SIAH1: variants seen among roughly 807,000 people sequenced by gnomAD.
SIAH1 encodes E3 ubiquitin-protein ligase SIAH1.
A neutral mutation model predicts 20.0 loss-of-function variants in SIAH1; 2 were observed. The ratio of observed to expected loss-of-function variants is 0.10; its 90% confidence interval spans 0.04 to 0.31. The LOEUF (loss-of-function observed/expected upper bound fraction) is 0.31, where lower values mean the gene tolerates loss of function less well. Ranked by LOEUF, SIAH1 falls within the 10% of genes least tolerant of loss-of-function variation. SIAH1 has a pLI of 1.00. For missense variants in SIAH1, 119 were observed against 355.3 expected (o/e 0.33, Z 5.35); for synonymous variants, 118 against 125.3 (o/e 0.94, Z 0.39).
At chr16:48,365,263 C>T in intron 1 of SIAH1, 6 of 965,336 alleles carry the variant, frequency 6.2e-6, no homozygotes, top group Non-Finnish European at 9.2e-6. Flanking sequence ...CCAAATGAAA[C>T]ATGACTGAGA....
intron 1 of SIAH1, among the ~76,000 whole-genome samples, chr16:48,367,606 A>C (rs769409469): frequency 6.6e-6 from 1 of 152,208 alleles, no homozygotes; most frequent in Non-Finnish European, 1.5e-5. Context: ...TTCAGCTGAG[A>C]CCTGATTTAA....
intron 1 of SIAH1, among the ~76,000 whole-genome samples, chr16:48,382,445 G>A (rs541009706): frequency 1.3e-5 from 2 of 152,114 alleles, no homozygotes; most frequent in Non-Finnish European, 2.9e-5. Context: ...TAGTAGGTGA[G>A]TAAACAAATA....
In SIAH1 at chr16:48,361,232, C is replaced by T. The variant is rs761476863; in HGVS notation, c.*348G>A. On this transcript the variant is annotated 3_prime_UTR_variant, in exon 2 of 2. Coordinates refer to ENST00000394725, the MANE Select transcript of SIAH1 (RefSeq NM_003031.4). Reference sequence around the variant, plus strand: ...AAACCCAAACACGCACACACCCACGCAGGCACACACTCCCACGCAAAAACA... The same window carrying T: ...AAACCCAAACACGCACACACCCACGTAGGCACACACTCCCACGCAAAAACA... 4 of 257,346 alleles carry T rather than the reference C, an allele frequency of 1.6e-5. No homozygotes were observed. Among genetic ancestry groups the T allele is most frequent in the South Asian group, 4.3e-5 (1 of 23,404 alleles). The allele number at this position is 257,346 out of a possible 1,614,324, so 15.9% of individuals were successfully genotyped here. A position where few individuals can be genotyped will look rare whatever the true frequency, so the allele number is the denominator to read the frequency against.
intron 1 of SIAH1, among the ~76,000 whole-genome samples, chr16:48,374,157 T>A (rs1307452608): frequency 6.6e-6 from 1 of 152,250 alleles, no homozygotes; most frequent in African/African-American, 2.4e-5. Flanking sequence ...AATTCACTTA[T>A]TATTTTTTAT....
At position 48,365,735 on chromosome 16, in the gene SIAH1, A is replaced by G. The variant is rs1406392817; in HGVS notation, c.-2-3305T>C. On this transcript the variant is annotated intron_variant, in intron 1 of 1. Transcript: ENST00000394725. ...GGAGCCACAGCTGCGCTGTCCTCCA[A>G]TGTGCCCTAAGCTTTCGTCTGTCTC... 4.3e-6 allele frequency: 6 copies of G among 1,405,226 alleles called. No individual in the cohort carries two copies. In the East Asian group the frequency reaches 7.6e-5, roughly 18 times the overall value. The allele number at this position is 1,405,226 out of a possible 1,614,324, so 87.0% of individuals were successfully genotyped here. A position where few individuals can be genotyped will look rare whatever the true frequency, so the allele number is the denominator to read the frequency against.
At chr16:48,378,171 G>C (rs1300861736) in intron 1 of SIAH1, among the ~76,000 whole-genome samples, 1 of 152,092 alleles carries the variant, frequency 6.6e-6, no homozygotes, top group South Asian at 2.1e-4. Context: ...GACCAACATG[G>C]AGAAACCCCA....
rs1961431636 is a variant in SIAH1, at chr16:48,385,395, CG to C, written c.-195del. The C allele has an allele frequency of 6.4e-6, 1 of 155,336 alleles. No individual in the cohort carries two copies. The highest frequency in any genetic ancestry group is 2.4e-5 in the African/African-American group (1 of 41,174). 9.6% of individuals were successfully genotyped at this position (155,336 alleles called of 1,614,324 possible). A position where few individuals can be genotyped will look rare whatever the true frequency, so the allele number is the denominator to read the frequency against. On this transcript the variant is annotated 5_prime_UTR_variant, in exon 1 of 2. Transcript: ENST00000394725. ...GCTCCCCCCTGGCCGCCGCCGCCGC[CG>C]CCGTTTCGCGCGTCCTCGAGCCCGC... is the stretch of plus-strand genomic sequence containing the variant.
intron 1 of SIAH1, among the ~76,000 whole-genome samples, chr16:48,383,909 G>C (rs898902604): frequency 2.0e-5 from 3 of 152,216 alleles, no homozygotes; most frequent in African/African-American, 4.8e-5. Flanking sequence ...AGTCTTAACA[G>C]TAAGCATTTG....
At chr16:48,381,158 G>A (rs1231800108) in intron 1 of SIAH1, among the ~76,000 whole-genome samples, 2 of 151,824 alleles carry the variant, frequency 1.3e-5, no homozygotes, top group African/African-American at 4.8e-5. Context: ...CAGCCTGGCC[G>A]ACATGTTGAA....
chr16:48,368,406 C>T (rs565588735), intron 1 of SIAH1, among the ~76,000 whole-genome samples: 1 of 152,158 alleles, frequency 6.6e-6, no homozygotes, highest in Non-Finnish European at 1.5e-5. Flanking sequence ...ACAACAACAA[C>T]AAAAAACAGC....
intron 1 of SIAH1, chr16:48,365,369 T>A (rs1483421627): frequency 1.2e-6 from 2 of 1,613,382 alleles, no homozygotes; most frequent in East Asian, 2.2e-5. Context: ...CAGCAAACCA[T>A]CCTCTTAATG....
At chr16:48,377,915 T>C (rs1295282678) in intron 1 of SIAH1, among the ~76,000 whole-genome samples, 3 of 151,702 alleles carry the variant, frequency 2.0e-5, no homozygotes, top group Non-Finnish European at 2.9e-5. Flanking sequence ...TCGTCTCTAA[T>C]AAAAATAAAA....
intron 1 of SIAH1, among the ~76,000 whole-genome samples, chr16:48,374,278 T>G (rs908524813): frequency 6.6e-6 from 1 of 152,202 alleles, no homozygotes. Flanking sequence ...CAGACTCCAA[T>G]AAATATTTTT....
intron 1 of SIAH1, among the ~76,000 whole-genome samples, chr16:48,376,480 T>C (rs533029198): frequency 1.3e-4 from 20 of 152,210 alleles, no homozygotes; most frequent in African/African-American, 4.3e-4. Context: ...TATTTTATAC[T>C]ATAAAAAAAA....
intron 1 of SIAH1, among the ~76,000 whole-genome samples, chr16:48,382,282 G>A (rs979520626): frequency 6.6e-6 from 1 of 152,074 alleles, no homozygotes; most frequent in Non-Finnish European, 1.5e-5. Flanking sequence ...AGCCACTTAT[G>A]AGGCTAAGGT....
chr16:48,368,693 C>T (rs895308409), intron 1 of SIAH1, among the ~76,000 whole-genome samples: 2 of 151,880 alleles, frequency 1.3e-5, no homozygotes, highest in Non-Finnish European at 2.9e-5. Context: ...GAGCCAAGAT[C>T]GTGCCACTGC....
intron 1 of SIAH1, among the ~76,000 whole-genome samples, chr16:48,374,661 A>G (rs1023575262): frequency 1.3e-5 from 2 of 152,226 alleles, no homozygotes; most frequent in Non-Finnish European, 2.9e-5. Context: ...CTGATGGAAC[A>G]TTTAGACAAG....
At chr16:48,371,044 G>C (rs1419476435) in intron 1 of SIAH1, among the ~76,000 whole-genome samples, 3 of 151,894 alleles carry the variant, frequency 2.0e-5, no homozygotes, top group Non-Finnish European at 2.9e-5. Flanking sequence ...AACCCGGGAG[G>C]GGGAGGTTGC....
chr16:48,380,492 A>G (rs1403173100), intron 1 of SIAH1, among the ~76,000 whole-genome samples: 1 of 152,020 alleles, frequency 6.6e-6, no homozygotes, highest in East Asian at 1.9e-4. Context: ...CACCAATAAC[A>G]AAACAACCCA....
Sources: allele counts gnomAD v4.1 joint callset (sites outside exome capture counted in the v4.1 genomes callset), GRCh38; gene constraint gnomAD v4.1.1; transcripts MANE v1.5; gene names NCBI Gene and HGNC (gene_info 2026-07-23, HGNC 2026-07-21).